Variants in FGF13 observed in about 807,000 individuals in gnomAD.
FGF13 encodes fibroblast growth factor homologous factor 2.
FGF13 carries 2 observed loss-of-function variants against 19.5 expected under a neutral mutation model. The ratio of observed to expected loss-of-function variants is 0.10; its 90% CI spans 0.04 to 0.32. FGF13 has a LOEUF of 0.32. FGF13 is among the 10% of genes least tolerant of loss of function. The pLI, the probability that FGF13 is intolerant of heterozygous loss-of-function variation, is 1.00. For synonymous variants in FGF13, 72 were observed against 76.9 expected (o/e 0.94, Z 0.33); for missense variants, 113 against 192.7 (o/e 0.59, Z 2.45).
upstream of FGF13, chrX:139,204,313 G>T: frequency 3.0e-6 from 1 of 338,943 alleles, no homozygotes; most frequent in Non-Finnish European, 5.0e-6. Context: ...TGAAGGAGGA[G>T]CCGCCGTCGC....
intron 3 of FGF13, among the ~76,000 whole-genome samples, chrX:138,802,349 G>T (rs1194993099): frequency 1.8e-5 from 2 of 110,749 alleles, no homozygotes; most frequent in Non-Finnish European, 3.8e-5. Context: ...GGGGGAGGTA[G>T]GGTCCCAGCT....
At chrX:138,887,777 A>G (rs1238987380) in intron 1 of FGF13, among the ~76,000 whole-genome samples, 4 of 112,111 alleles carry the variant, frequency 3.6e-5, no homozygotes, top group Non-Finnish European at 7.5e-5. Flanking sequence ...AGGTTATTTA[A>G]AGACTGAGCA....
At chrX:138,888,818 C>G (rs954891296) in intron 1 of FGF13, among the ~76,000 whole-genome samples, 5 of 111,744 alleles carry the variant, frequency 4.5e-5, no homozygotes, top group Non-Finnish European at 7.5e-5. Flanking sequence ...TGCCTACGTT[C>G]CAAATGAAGA....
intron 1 of FGF13, among the ~76,000 whole-genome samples, chrX:138,865,188 C>T (rs761381125): frequency 1.8e-5 from 2 of 111,809 alleles, no homozygotes; most frequent in Admixed American, 9.5e-5. Context: ...CTGCCCAGTA[C>T]GAACGCAATC....
chrX:138,900,754 A>G (rs1365437448), intron 1 of FGF13, among the ~76,000 whole-genome samples: 1 of 111,684 alleles, frequency 9.0e-6, no homozygotes, highest in Non-Finnish European at 1.9e-5. Context: ...GGCATGGCCT[A>G]CAAGGCTTTA....
At chrX:139,015,471 A>G (rs1361812232) in intron 1 of FGF13, among the ~76,000 whole-genome samples, 1 of 110,975 alleles carries the variant, frequency 9.0e-6, no homozygotes, top group Non-Finnish European at 1.9e-5. Flanking sequence ...CCCATTTACA[A>G]TAGCTACAAA....
chrX:139,036,504 A>G (rs1161968837), intron 1 of FGF13, among the ~76,000 whole-genome samples: 2 of 111,642 alleles, frequency 1.8e-5, no homozygotes, highest in Non-Finnish European at 3.8e-5. Flanking sequence ...GTTAAAAAAT[A>G]GATGAGCATA....
chrX:138,716,038 G>A (rs1042911151), upstream of FGF13: 5 of 112,109 alleles, frequency 4.5e-5, no homozygotes, highest in Admixed American at 3.8e-4. Context: ...AGTCCATTCT[G>A]AGCAGAAAGG....
At chrX:138,733,192 C>A (rs142869902) in intron 1 of FGF13, among the ~76,000 whole-genome samples, 169 of 111,713 alleles carry the variant, frequency 1.5e-3, no homozygotes, top group African/African-American at 5.2e-3. Flanking sequence ...TGAGCTGACA[C>A]TTATTTTTAG....
rs115040233 is a variant in FGF13, at chrX:138,956,997, T to A, written c.-112-92347A>T. On this transcript the variant is annotated intron_variant, in intron 1 of 2. Coordinates refer to the FGF13 transcript ENST00000421460. ...CTAAAAGGGATTTCAAAAGTCCCCA[T>A]ATGCTCTAAATCAATTACACTGTAA... Among the ~76,000 whole-genome samples the A allele has an allele frequency of 2.9e-3, 319 of 111,845 alleles. 2 individuals carry two copies. The highest frequency in any genetic ancestry group is 9.8e-3 in the African/African-American group (302 of 30,809).
intron 1 of FGF13, among the ~76,000 whole-genome samples, chrX:139,079,631 T>C (rs1469856340): frequency 3.6e-5 from 4 of 110,715 alleles, no homozygotes; most frequent in Non-Finnish European, 7.6e-5. Context: ...ACACAATCAC[T>C]TAGCAAAGAG....
At chrX:138,701,016 A>G (rs1211671641) in intron 3 of FGF13, among the ~76,000 whole-genome samples, 3 of 112,203 alleles carry the variant, frequency 2.7e-5, no homozygotes, top group Non-Finnish European at 3.8e-5. Context: ...TGAGTGCCCT[A>G]ATTTTCTTGA....
At chrX:138,890,193 T>G (rs1177272998) in intron 1 of FGF13, among the ~76,000 whole-genome samples, 1 of 111,700 alleles carries the variant, frequency 9.0e-6, no homozygotes, top group Non-Finnish European at 1.9e-5. Flanking sequence ...CCTCCCAAAG[T>G]GCTAGGATTA....
In FGF13 at chrX:138,620,068, A is replaced by G. The variant is rs1376506084; in HGVS notation, c.*12782T>C. On this transcript the variant is annotated 3_prime_UTR_variant, in exon 5 of 5. Transcript: ENST00000315930. ...AGAGCAAAGATGTGGAATCAACCCA[A>G]ATGCCCATCAATGATACAGTGGATA... The G allele has an allele frequency of 8.9e-6, 1 of 111,968 alleles. No individual in the cohort carries two copies. The highest frequency in any genetic ancestry group is 1.9e-5 in the Non-Finnish European group (1 of 53,252). 9.2% of individuals were successfully genotyped at this position (111,968 alleles called of 1,213,427 possible). A position where few individuals can be genotyped will look rare whatever the true frequency, so the allele number is the denominator to read the frequency against.
intron 3 of FGF13, among the ~76,000 whole-genome samples, chrX:138,812,742 T>C (rs1468563585): frequency 8.9e-6 from 1 of 111,866 alleles, no homozygotes; most frequent in African/African-American, 3.2e-5. Flanking sequence ...CTAAAAAAAA[T>C]GGGATACATG....
chrX:138,769,351 C>T (rs1028196353), intron 3 of FGF13, among the ~76,000 whole-genome samples: 1 of 111,616 alleles, frequency 9.0e-6, no homozygotes, highest in Non-Finnish European at 1.9e-5. Flanking sequence ...CCCTAATCTG[C>T]AAGTTACCAG....
Position 138,614,876 on chromosome X carries a change from C to CACA in FGF13, c.*17971_*17973dup, listed in dbSNP as rs768752454. 15 of 112,147 alleles carry CACA rather than the reference C, an allele frequency of 1.3e-4. No homozygotes were observed. The highest frequency in any genetic ancestry group is 4.8e-4 in the African/African-American group (15 of 30,934). 9.2% of individuals were successfully genotyped at this position (112,147 alleles called of 1,213,427 possible). On this transcript the variant is annotated 3_prime_UTR_variant, in exon 5 of 5. Coordinates refer to ENST00000315930, the MANE Select transcript of FGF13 (RefSeq NM_004114.5). ...TTAAACATATTGCATTACTGATATA[C>CACA]ACAACAGTTTGGATGCATCTCAAGG... is the stretch of plus-strand genomic sequence containing the variant.
In FGF13 at chrX:138,838,096, G is replaced by A. The variant is rs185277640; in HGVS notation, c.217+19416C>T. Among the ~76,000 whole-genome samples, 3 of 111,948 alleles carry A rather than the reference G, an allele frequency of 2.7e-5. No individual in the cohort carries two copies. In the East Asian group the frequency reaches 8.5e-4, roughly 32 times the overall value. The stretch of plus-strand genomic sequence containing the variant: ...CTAAGTTGCCCAAACAGCAAACATG[G>A]CGCCCCACCCTTCCCCCAGAAAGCT... On this transcript the variant is annotated intron_variant, in intron 3 of 6. Transcript: ENST00000436198.
chrX:138,730,514 T>C (rs781160664), intron 1 of FGF13, among the ~76,000 whole-genome samples: 1 of 111,684 alleles, frequency 9.0e-6, no homozygotes, highest in East Asian at 2.8e-4. Context: ...ATGTCTTACC[T>C]TGTTTGTGAA....
Sources: gnomAD v4.1 joint callset for allele counts (sites outside exome capture counted in the v4.1 genomes callset) on GRCh38, gnomAD v4.1.1 for gene constraint, MANE v1.5 for transcripts, NCBI Gene and HGNC (gene_info 2026-07-23, HGNC 2026-07-21) for gene names.